Variants in PLA2G5 observed in about 807,000 individuals in gnomAD.
PLA2G5 encodes the protein phospholipase A2 group V, also known as Ca2+-dependent phospholipase A2.
Under a neutral mutation model 15.9 loss-of-function variants are expected in PLA2G5, and 12 were observed. The observed-to-expected ratio is 0.76, with a 90% confidence interval of 0.48 to 1.23. The LOEUF is 1.23. Ranked by LOEUF, PLA2G5 falls within the 50% of genes most tolerant of loss-of-function variation. The pLI, the probability that PLA2G5 is intolerant of heterozygous loss-of-function variation, is 0.00. For synonymous variants in PLA2G5, 71 were observed against 71.4 expected (o/e 0.99, Z 0.03); for missense variants, 169 against 177.1 (o/e 0.95, Z 0.26).
chr1:20,058,111 GAGA>G (rs2014528532), intron 1 of PLA2G5, among the ~76,000 whole-genome samples: 1 of 152,200 alleles, frequency 6.6e-6, no homozygotes, highest in Non-Finnish European at 1.5e-5. Context: ...TGTTGTTGGG[GAGA>G]AGTATTCTAT....
chr1:20,073,322 T>C (rs1280508552), intron 1 of PLA2G5, among the ~76,000 whole-genome samples: 1 of 152,248 alleles, frequency 6.6e-6, no homozygotes, highest in Non-Finnish European at 1.5e-5. Context: ...GTATTTGCTA[T>C]GAAGTTGGTG....
chr1:20,076,130 C>A (rs925689403), intron 1 of PLA2G5, among the ~76,000 whole-genome samples: 1 of 152,136 alleles, frequency 6.6e-6, no homozygotes, highest in African/African-American at 2.4e-5. Flanking sequence ...CTCGGGCTCC[C>A]AAAGTGCTGG....
chr1:20,048,499 G>A (rs1243672322), intron 1 of PLA2G5, among the ~76,000 whole-genome samples: 1 of 152,134 alleles, frequency 6.6e-6, no homozygotes, highest in Admixed American at 6.5e-5. Flanking sequence ...GCTACATCTT[G>A]AATTTAGTAA....
At chr1:20,046,971 G>A (rs556640843) in intron 1 of PLA2G5, among the ~76,000 whole-genome samples, 1 of 152,302 alleles carries the variant, frequency 6.6e-6, no homozygotes, top group South Asian at 2.1e-4. Context: ...TGTTTTCATA[G>A]GTAAATGAGA....
intron 1 of PLA2G5, among the ~76,000 whole-genome samples, chr1:20,080,924 G>A (rs749003473): frequency 6.6e-6 from 1 of 151,918 alleles, no homozygotes; most frequent in East Asian, 1.9e-4. Context: ...CCGAAGAGGA[G>A]TGAACCCCCA....
At chr1:20,090,324 A>C (rs1049073555) in intron 4 of PLA2G5, among the ~76,000 whole-genome samples, 1 of 152,172 alleles carries the variant, frequency 6.6e-6, no homozygotes, top group Non-Finnish European at 1.5e-5. Context: ...AGTCCCCCAG[A>C]GGAAGGAAGG....
At chr1:20,087,633 C>T (rs1195623417) in intron 3 of PLA2G5, among the ~76,000 whole-genome samples, 5 of 152,038 alleles carry the variant, frequency 3.3e-5, no homozygotes, top group Non-Finnish European at 1.5e-5. Flanking sequence ...ACACTTAATG[C>T]CTAGATCTAG....
chr1:20,070,955 C>T (rs143571366), intron 1 of PLA2G5: 1 of 152,314 alleles, frequency 6.6e-6, no homozygotes, highest in Non-Finnish European at 1.5e-5. Context: ...GTAAGATGCC[C>T]TTATAGGGAG....
At chr1:20,058,751 G>C (rs1442313898) in intron 1 of PLA2G5, among the ~76,000 whole-genome samples, 1 of 152,172 alleles carries the variant, frequency 6.6e-6, no homozygotes, top group Non-Finnish European at 1.5e-5. Flanking sequence ...TGACAAGCTG[G>C]TTTATTGATT....
chr1:20,034,079 G>A (rs2013115288), intron 1 of PLA2G5, among the ~76,000 whole-genome samples: 1 of 152,102 alleles, frequency 6.6e-6, no homozygotes, highest in Non-Finnish European at 1.5e-5. Context: ...AGCCTTTGTG[G>A]GTGAGACCTG....
chr1:20,040,712 C>T (rs1380866077), intron 1 of PLA2G5, among the ~76,000 whole-genome samples: 3 of 152,030 alleles, frequency 2.0e-5, no homozygotes, highest in African/African-American at 7.3e-5. Context: ...TCTTGAGGCC[C>T]CAAAATCACT....
chr1:20,078,860 A>G (rs1376016215), intron 1 of PLA2G5, among the ~76,000 whole-genome samples: 8 of 152,056 alleles, frequency 5.3e-5, no homozygotes, highest in African/African-American at 1.9e-4. Flanking sequence ...TCATCCCAGC[A>G]CTTTGGGAGG....
chr1:20,053,520 A>G (rs2014275007), intron 1 of PLA2G5, among the ~76,000 whole-genome samples: 1 of 125,620 alleles, frequency 8.0e-6, no homozygotes, highest in South Asian at 2.6e-4. Context: ...ATTGTATTCT[A>G]TTTTGGGTTC....
chr1:20,071,102 C>A (rs1362057114), intron 1 of PLA2G5, among the ~76,000 whole-genome samples: 1 of 152,170 alleles, frequency 6.6e-6, no homozygotes, highest in African/African-American at 2.4e-5. Flanking sequence ...TTGTCACTGA[C>A]CAGCTGGGCA....
At chr1:20,089,703 T>C (rs1204541136) in intron 3 of PLA2G5, 86 bp from the exon 4 acceptor site, 2 of 1,029,604 alleles carry the variant, frequency 1.9e-6, no homozygotes, top group Non-Finnish European at 3.0e-6. Flanking sequence ...TCTGCTAAAG[T>C]GACATGGTTG....
chr1:20,045,152 G>A (rs1227459560), intron 1 of PLA2G5, among the ~76,000 whole-genome samples: 1 of 152,176 alleles, frequency 6.6e-6, no homozygotes, highest in African/African-American at 2.4e-5. Context: ...TAGGTTTTAG[G>A]TCAGGTGTGA....
intron 2 of PLA2G5, among the ~76,000 whole-genome samples, chr1:20,061,287 TA>T (rs1417709777): frequency 6.6e-6 from 1 of 152,138 alleles, no homozygotes; most frequent in Non-Finnish European, 1.5e-5. Context: ...ACTCATATTA[TA>T]AATCTCTCAG....
intron 1 of PLA2G5, among the ~76,000 whole-genome samples, chr1:20,055,180 C>T (rs148275015): frequency 2.0e-5 from 3 of 152,052 alleles, no homozygotes; most frequent in Admixed American, 6.6e-5. Flanking sequence ...CACAGAGAAA[C>T]GTATGCCAGA....
chr1:20,054,972 A>G (rs1028775670), intron 1 of PLA2G5: 2 of 152,082 alleles, frequency 1.3e-5, no homozygotes, highest in African/African-American at 4.8e-5. Context: ...GTTTTATTAG[A>G]CTTTCCATTT....
Sources: allele counts gnomAD v4.1 joint callset (sites outside exome capture counted in the v4.1 genomes callset), GRCh38; gene constraint gnomAD v4.1.1; transcripts MANE v1.5; gene names NCBI Gene and HGNC (gene_info 2026-07-23, HGNC 2026-07-21).